Variants in SVIL observed in about 807,000 individuals in gnomAD.
SVIL encodes supervillin, also known as archvillin.
Under a neutral mutation model 240.4 loss-of-function variants are expected in SVIL, and 101 were observed. The observed-to-expected ratio is 0.42, with a 90% CI of 0.36 to 0.50. The LOEUF (loss-of-function observed/expected upper bound fraction) is 0.50, where lower values mean the gene tolerates loss of function less well. SVIL is among the 20% of genes least tolerant of loss of function. SVIL has a pLI of 0.01. For missense variants in SVIL, 2,512 were observed against 2,818.7 expected (o/e 0.89, Z 2.46); for synonymous variants, 999 against 1,100.0 (o/e 0.91, Z 1.82).
chr10:29,686,125 A>C (rs978635404), intron 2 of SVIL, among the ~76,000 whole-genome samples: 1 of 152,234 alleles, frequency 6.6e-6, no homozygotes, highest in South Asian at 2.1e-4. Flanking sequence ...AGCAACTTGA[A>C]GTAGAGAGAA....
intron 1 of SVIL, among the ~76,000 whole-genome samples, chr10:29,582,434 A>T (rs1398121896): frequency 6.6e-6 from 1 of 152,110 alleles, no homozygotes; most frequent in Non-Finnish European, 1.5e-5. Flanking sequence ...TGATGTGACG[A>T]ATAAACATAA....
intron 17 of SVIL, among the ~76,000 whole-genome samples, chr10:29,507,510 C>CACTCTTAT (rs1226114504): frequency 1.3e-5 from 2 of 151,988 alleles, no homozygotes; most frequent in Non-Finnish European, 2.9e-5. Context: ...GACACACACA[C>CACTCTTAT]AGACTCTTAT....
rs752643898 is a variant in SVIL, at chr10:29,458,310, A to G, written c.6582T>C (p.Asp2194=). Residue 2194 remains aspartate (D), a synonymous_variant, in exon 38 of 38, where the codon GAT becomes GAC. Transcript: ENST00000355867. ...TCCAGGCGGGCAGGGCGTTGTATTC[A>G]TCCCTCGTCATGTCTAGTGCAAACT... ...DFEFALDMTR[D]EYNALPAWKQ... 7 of 1,614,068 alleles carry G rather than the reference A, an allele frequency of 4.3e-6. No homozygotes were observed. Among genetic ancestry groups the G allele is most frequent in the South Asian group, 2.2e-5 (2 of 91,096 alleles).
At chr10:29,626,303 G>C (rs1364915393) in intron 1 of SVIL, among the ~76,000 whole-genome samples, 1 of 152,124 alleles carries the variant, frequency 6.6e-6, no homozygotes, top group Non-Finnish European at 1.5e-5. Flanking sequence ...AACAGATGTA[G>C]GGCTGAAGAT....
At chr10:29,505,359 A>G (rs1410187542) in intron 17 of SVIL, among the ~76,000 whole-genome samples, 6 of 152,068 alleles carry the variant, frequency 3.9e-5, no homozygotes, top group Non-Finnish European at 8.8e-5. Context: ...TAATTTAAAA[A>G]TAAATAAAAT....
chr10:29,632,133 C>G (rs1404420536), intron 1 of SVIL, among the ~76,000 whole-genome samples: 4 of 152,188 alleles, frequency 2.6e-5, no homozygotes, highest in Non-Finnish European at 4.4e-5. Context: ...CTGGAGCTCA[C>G]CAGACATCCT....
At chr10:29,647,971 C>CAAAAAAAAA (rs3030628) in intron 3 of SVIL, among the ~76,000 whole-genome samples, 2 of 96,322 alleles carry the variant, frequency 2.1e-5, no homozygotes, top group Non-Finnish European at 4.2e-5. Flanking sequence ...TTGTCAATAT[C>CAAAAAAAAA]AAAAAAAAAA....
At chr10:29,483,627 T>C (rs1269707206) in intron 27 of SVIL, 3 of 152,258 alleles carry the variant, frequency 2.0e-5, no homozygotes, top group East Asian at 3.8e-4. Context: ...ATAGATTTTA[T>C]GCTTTAGCTT....
At chr10:29,577,528 G>A (rs1015722093) in intron 1 of SVIL, among the ~76,000 whole-genome samples, 3 of 151,948 alleles carry the variant, frequency 2.0e-5, no homozygotes, top group Admixed American at 6.6e-5. Flanking sequence ...CTTTTTTTAC[G>A]GCTGAGAAGT....
chr10:29,614,233 C>G (rs1274763729), intron 1 of SVIL, among the ~76,000 whole-genome samples: 1 of 152,086 alleles, frequency 6.6e-6, no homozygotes. Context: ...ATTACAATAA[C>G]ATTTTAGTTA....
intron 2 of SVIL, among the ~76,000 whole-genome samples, chr10:29,564,504 G>GA (rs141252981): frequency 0.049 from 7,529 of 152,128 alleles, 598 homozygotes; most frequent in African/African-American, 0.17. Flanking sequence ...GATGGGCTTG[G>GA]AAAAGACTCA....
chr10:29,590,772 C>T (rs1316676130), intron 1 of SVIL, among the ~76,000 whole-genome samples: 2 of 152,194 alleles, frequency 1.3e-5, no homozygotes, highest in African/African-American at 4.8e-5. Context: ...AACTTAGTCA[C>T]AGTTATCCAC....
rs560507419 is a variant in SVIL at position 29,522,712 on chromosome 10, A to C, written c.3164-77T>G. ...TCCAGCGATTCGCCCTCAACAGTGCAGCTCTCAGGGTTCAATCCGTGGGCA... is the reference window on the plus strand; with the variant it reads ...TCCAGCGATTCGCCCTCAACAGTGCCGCTCTCAGGGTTCAATCCGTGGGCA... On this transcript the variant is annotated intron_variant, in intron 15 of 37. Coordinates refer to ENST00000355867, the MANE Select transcript of SVIL (RefSeq NM_021738.3). 3.7e-5 allele frequency: 55 copies of C among 1,490,500 alleles called. No individual in the cohort carries two copies. The East Asian group carries it at 1.1e-3, about 31-fold the overall frequency. The allele number at this position is 1,490,500 out of a possible 1,614,324, so 92.3% of individuals were successfully genotyped here.
chr10:29,503,789 G>T (rs1036525890), intron 17 of SVIL, among the ~76,000 whole-genome samples: 1 of 152,164 alleles, frequency 6.6e-6, no homozygotes, highest in African/African-American at 2.4e-5. Context: ...AACTTGAGCT[G>T]TACATTCGAT....
intron 36 of SVIL, among the ~76,000 whole-genome samples, chr10:29,460,230 T>G (rs1339419004): frequency 6.6e-6 from 1 of 152,188 alleles, no homozygotes; most frequent in African/African-American, 2.4e-5. Context: ...GGAATAATAA[T>G]AAGATATCTT....
chr10:29,468,810 C>G (rs928760024), intron 32 of SVIL: 5 of 152,122 alleles, frequency 3.3e-5, no homozygotes, highest in African/African-American at 1.2e-4. Flanking sequence ...GGGAAGTTGA[C>G]TTGCTCCTAG....
chr10:29,554,234 T>C (rs55772408), intron 5 of SVIL, among the ~76,000 whole-genome samples: 45,226 of 151,530 alleles, frequency 0.3, 6,995 homozygotes, highest in African/African-American at 0.38. Flanking sequence ...TCACTTGACC[T>C]TGGGAGGTTG....
intron 17 of SVIL, among the ~76,000 whole-genome samples, chr10:29,509,911 G>C (rs915684378): frequency 3.3e-5 from 5 of 152,102 alleles, no homozygotes; most frequent in African/African-American, 9.7e-5. Context: ...AATTGTTTTT[G>C]TTTTTGTTTG....
intron 17 of SVIL, among the ~76,000 whole-genome samples, chr10:29,500,381 C>T (rs1355927094): frequency 2.6e-5 from 4 of 152,028 alleles, no homozygotes; most frequent in African/African-American, 4.8e-5. Flanking sequence ...GGAGCTAATG[C>T]CAAGGAAGGA....
Sources: allele counts gnomAD v4.1 joint callset (sites outside exome capture counted in the v4.1 genomes callset), GRCh38; gene constraint gnomAD v4.1.1; transcripts MANE v1.5; gene names NCBI Gene and HGNC (gene_info 2026-07-23, HGNC 2026-07-21).